Variants in ELOVL6 observed in about 807,000 individuals in gnomAD.
ELOVL6 encodes ELOVL fatty acid elongase 6.
In ELOVL6, 8 loss-of-function variants were observed where a neutral mutation model predicts 31.7. That is an observed-to-expected ratio of 0.25 (90% CI 0.15 to 0.45). The LOEUF (loss-of-function observed/expected upper bound fraction) is 0.45. ELOVL6 is among the 20% of genes least tolerant of loss of function. The pLI is 1.00. For missense variants in ELOVL6, 126 were observed against 326.4 expected, an observed-to-expected ratio of 0.39 and a Z score of 4.73; for synonymous variants, 101 against 117.7, an observed-to-expected ratio of 0.86 and a Z score of 0.92.
intron 1 of ELOVL6, among the ~76,000 whole-genome samples, chr4:110,153,875 A>G (rs1758345842): frequency 6.6e-6 from 1 of 152,200 alleles, no homozygotes; most frequent in Non-Finnish European, 1.5e-5. Flanking sequence ...ATGCAATGTA[A>G]GCAGCTTTAC....
intron 1 of ELOVL6, among the ~76,000 whole-genome samples, chr4:110,122,346 A>G (rs980205638): frequency 3.9e-5 from 6 of 152,296 alleles, no homozygotes; most frequent in Admixed American, 1.3e-4. Context: ...AGGAATTTTA[A>G]CAGATTTGGC....
At chr4:110,136,515 G>GGTT (rs1757813982) in intron 1 of ELOVL6, among the ~76,000 whole-genome samples, 2 of 152,140 alleles carry the variant, frequency 1.3e-5, no homozygotes, top group Admixed American at 6.6e-5. Context: ...GGAGCAATCA[G>GGTT]CACTTCCTTA....
rs117666309 is a variant in ELOVL6 at position 110,147,615 on chromosome 4, C to T, written c.90-41987G>A. On this transcript the variant is annotated intron_variant, in intron 1 of 3. Coordinates refer to ENST00000302274, the MANE Select transcript of ELOVL6 (RefSeq NM_024090.3). ...CAAATGCCTGGGTAACATGGTGAAA[C>T]CCCATCTCTACAAAAAAATACAAAA... Among the ~76,000 whole-genome samples the T allele has an allele frequency of 7.7e-4, 117 of 152,202 alleles. 3 individuals carry two copies. In the East Asian group the frequency reaches 0.022, roughly 29 times the overall value.
intron 1 of ELOVL6, among the ~76,000 whole-genome samples, chr4:110,131,387 T>A (rs1168924272): frequency 6.6e-6 from 1 of 152,180 alleles, no homozygotes; most frequent in African/African-American, 2.4e-5. Flanking sequence ...AAATAGGCAG[T>A]CTTCTCTAGA....
chr4:110,108,781 C>T (rs1283777097), intron 1 of ELOVL6, among the ~76,000 whole-genome samples: 2 of 152,140 alleles, frequency 1.3e-5, no homozygotes, highest in Admixed American at 6.5e-5. Context: ...TAATGGGAAT[C>T]GGTTTGAGTG....
At position 110,051,581 on chromosome 4, in the gene ELOVL6, C is replaced by T. The variant is rs145349219; in HGVS notation, c.555G>A (p.Ala185=). ...ACTTCCGGGAGACTCGGAAACCTGC[C>T]GCCCGCAAGGCATAGTAAGAGTACA... ...AVMYSYYALR[A]AGFRVSRKFA... The change falls in exon 4 of 4, where the codon GCG becomes GCA. Residue 185 remains alanine, a synonymous_variant. Transcript: ENST00000302274. The surrounding 1 kb of genome is among the most constrained non-coding windows in gnomAD (Gnocchi z 4.8). The T allele has an allele frequency of 6.1e-5, 99 of 1,614,148 alleles. 1 individual carries two copies. Among genetic ancestry groups the T allele is most frequent in the African/African-American group, 5.5e-4 (41 of 75,038 alleles).
chr4:110,171,064 CAAGAAGA>C (rs1758928249), intron 1 of ELOVL6, among the ~76,000 whole-genome samples: 1 of 152,240 alleles, frequency 6.6e-6, no homozygotes, highest in Admixed American at 6.5e-5. Context: ...ACACACAGGC[CAAGAAGA>C]ATCTGAACAG....
At chr4:110,175,182 G>C (rs1759065017) in intron 1 of ELOVL6, among the ~76,000 whole-genome samples, 1 of 152,066 alleles carries the variant, frequency 6.6e-6, no homozygotes, top group Non-Finnish European at 1.5e-5. Context: ...CTAGGAGTTT[G>C]AGACCAGCCA....
At chr4:110,104,076 G>C (rs1216844146) in intron 2 of ELOVL6, among the ~76,000 whole-genome samples, 1 of 152,158 alleles carries the variant, frequency 6.6e-6, no homozygotes, top group Non-Finnish European at 1.5e-5. Context: ...ACCAAGGTAG[G>C]GGTTGCAGGG....
Position 110,154,033 on chromosome 4 carries a change from A to T in ELOVL6, c.89+44214T>A, listed in dbSNP as rs556990092. 2.6e-5 allele frequency among the ~76,000 whole-genome samples: 4 copies of T among 152,262 alleles called. No homozygotes were observed. In the South Asian group the frequency reaches 8.3e-4, roughly 32 times the overall value. On this transcript the variant is annotated intron_variant, in intron 1 of 3. Transcript: ENST00000302274. ...CACTTTTATTTAGTAAAATTAAGAA[A>T]TTTTAAAAGTACCAGGCTTTTTGTC... is the stretch of plus-strand genomic sequence containing the variant.
At chr4:110,163,175 C>T (rs1461641791) in intron 1 of ELOVL6, among the ~76,000 whole-genome samples, 1 of 152,158 alleles carries the variant, frequency 6.6e-6, no homozygotes, top group Non-Finnish European at 1.5e-5. Flanking sequence ...CACAGTTCAC[C>T]TGAGGGGGCT....
At chr4:110,129,624 T>C (rs1470277266) in intron 1 of ELOVL6, among the ~76,000 whole-genome samples, 1 of 152,234 alleles carries the variant, frequency 6.6e-6, no homozygotes. Flanking sequence ...CATGTCCCTT[T>C]GGAGTTTTAT....
intron 3 of ELOVL6, among the ~76,000 whole-genome samples, chr4:110,056,136 C>G (rs143940846): frequency 6.9e-6 from 1 of 145,506 alleles, no homozygotes; most frequent in Admixed American, 7.0e-5. Flanking sequence ...GGGGGGGATA[C>G]AGTTTCAGTA....
At chr4:110,068,237 T>C (rs1320337285) in intron 2 of ELOVL6, among the ~76,000 whole-genome samples, 3 of 151,436 alleles carry the variant, frequency 2.0e-5, no homozygotes, top group Non-Finnish European at 4.4e-5. Context: ...CACAGCATTC[T>C]GTATCTAAAA....
chr4:110,077,389 A>C, intron 2 of ELOVL6, among the ~76,000 whole-genome samples: 1 of 152,112 alleles, frequency 6.6e-6, no homozygotes, highest in East Asian at 1.9e-4. Context: ...TCTGAGATAA[A>C]ACTTCCAGAG....
intron 1 of ELOVL6, among the ~76,000 whole-genome samples, chr4:110,196,196 C>A (rs1173521044): frequency 2.6e-5 from 4 of 152,200 alleles, no homozygotes; most frequent in Non-Finnish European, 5.9e-5. Context: ...TGGGGTCAGC[C>A]AGCAAAGCGA....
chr4:110,101,634 C>T (rs1015926974), intron 2 of ELOVL6, among the ~76,000 whole-genome samples: 1 of 152,160 alleles, frequency 6.6e-6, no homozygotes, highest in Non-Finnish European at 1.5e-5. Context: ...ACCAACCAAC[C>T]TGTACAAATG....
intron 2 of ELOVL6, among the ~76,000 whole-genome samples, chr4:110,064,191 T>C (rs1307726242): frequency 1.3e-5 from 2 of 152,030 alleles, no homozygotes; most frequent in South Asian, 2.1e-4. Context: ...GAGGGAGCAG[T>C]ATACGTTTCT....
chr4:110,057,853 G>GAAAAAAAAAAAAAAAAA, intron 3 of ELOVL6, among the ~76,000 whole-genome samples: 1 of 90,924 alleles, frequency 1.1e-5, no homozygotes, highest in Non-Finnish European at 1.9e-5. Flanking sequence ...TCTGTCTCAG[G>GAAAAAAAAAAAAAAAAA]GAAAAAAAAA....
Sources: gnomAD v4.1 joint callset for allele counts (sites outside exome capture counted in the v4.1 genomes callset) on GRCh38, gnomAD v4.1.1 for gene constraint, Gnocchi (gnomAD v3.1) non-coding constraint, MANE v1.5 for transcripts, NCBI Gene and HGNC (gene_info 2026-07-23, HGNC 2026-07-21) for gene names.